Variants in OCA2 observed in about 807,000 individuals in gnomAD.
The protein encoded by OCA2 is P protein.
In OCA2, 77 loss-of-function variants were observed where a neutral mutation model predicts 100.2. That is an observed-to-expected ratio of 0.77 (90% CI 0.64 to 0.93). The LOEUF (loss-of-function observed/expected upper bound fraction) is 0.93. Ranked by LOEUF, OCA2 falls within the 40% of genes least tolerant of loss-of-function variation. The pLI is 0.00. For missense variants in OCA2, 1,062 were observed against 1,089.1 expected (o/e 0.98, Z 0.35); for synonymous variants, 432 against 439.2 (o/e 0.98, Z 0.21).
chr15:28,026,535 G>A (rs1374905878), intron 4 of OCA2, among the ~76,000 whole-genome samples: 2 of 152,230 alleles, frequency 1.3e-5, no homozygotes, highest in African/African-American at 4.8e-5. Context: ...AGGCCGTTGA[G>A]AGTCACAGTG....
chr15:28,051,417 C>T (rs767035515), intron 2 of OCA2, among the ~76,000 whole-genome samples: 2 of 151,976 alleles, frequency 1.3e-5, no homozygotes, highest in Non-Finnish European at 2.9e-5. Flanking sequence ...CTCAGCTTCC[C>T]GAGTAGCTAG....
intron 9 of OCA2, among the ~76,000 whole-genome samples, chr15:28,001,103 G>A (rs1439184142): frequency 6.6e-6 from 1 of 152,110 alleles, no homozygotes; most frequent in African/African-American, 2.4e-5. Flanking sequence ...TCCCACTTCT[G>A]GGTCTATATC....
chr15:28,003,401 C>T (rs1006702132), intron 9 of OCA2, among the ~76,000 whole-genome samples: 3 of 152,346 alleles, frequency 2.0e-5, no homozygotes, highest in Admixed American at 6.5e-5. Context: ...CTGGTTCAGA[C>T]GAAAGATGGC....
chr15:28,026,458 T>C (rs1481912297), intron 4 of OCA2, among the ~76,000 whole-genome samples: 2 of 152,202 alleles, frequency 1.3e-5, no homozygotes, highest in Non-Finnish European at 1.5e-5. Flanking sequence ...AGCGGATTCA[T>C]TGGCCAAATG....
At chr15:27,777,215 G>A (rs748564495) in intron 23 of OCA2, among the ~76,000 whole-genome samples, 10 of 152,110 alleles carry the variant, frequency 6.6e-5, no homozygotes, top group African/African-American at 1.2e-4. Context: ...GCTGGACTAC[G>A]CTCTGGGCTC....
At chr15:27,924,218 T>C (rs1198330436) in intron 19 of OCA2, among the ~76,000 whole-genome samples, 1 of 152,174 alleles carries the variant, frequency 6.6e-6, no homozygotes, top group Non-Finnish European at 1.5e-5. Flanking sequence ...TTGGTCTATG[T>C]GACATACCTA....
chr15:27,751,913 G>A (rs986234422), downstream of OCA2, among the ~76,000 whole-genome samples: 6 of 152,346 alleles, frequency 3.9e-5, no homozygotes, highest in South Asian at 2.1e-4. Flanking sequence ...TGGGCTGTGC[G>A]TCACAAGCCA....
chr15:28,066,620 A>C (rs1196223241), intron 2 of OCA2, among the ~76,000 whole-genome samples: 1 of 152,190 alleles, frequency 6.6e-6, no homozygotes, highest in Non-Finnish European at 1.5e-5. Context: ...TTGCCCCAAA[A>C]TATATTTCTT....
intron 19 of OCA2, among the ~76,000 whole-genome samples, chr15:27,920,068 A>G (rs1020909726): frequency 1.3e-5 from 2 of 152,166 alleles, no homozygotes; most frequent in African/African-American, 4.8e-5. Flanking sequence ...ATAAGGAAAA[A>G]AACAAATAGA....
intron 6 of OCA2, among the ~76,000 whole-genome samples, chr15:28,019,378 G>T (rs998572967): frequency 6.6e-6 from 1 of 152,048 alleles, no homozygotes; most frequent in Admixed American, 6.6e-5. Context: ...CCTGGTTGTA[G>T]AGGTTTGCTG....
chr15:27,990,476 T>C (rs1297404001), intron 10 of OCA2, 100 bp downstream of exon 10: 33 of 1,197,828 alleles, frequency 2.8e-5, no homozygotes, highest in Non-Finnish European at 1.9e-5. Flanking sequence ...ACGTGGCATA[T>C]AAAATAGTGA....
At chr15:27,857,480 C>T (rs891162947) in intron 21 of OCA2, among the ~76,000 whole-genome samples, 2 of 151,922 alleles carry the variant, frequency 1.3e-5, no homozygotes, top group African/African-American at 2.4e-5. Flanking sequence ...GGAAATGGAT[C>T]GTGGTGATAG....
intron 21 of OCA2, among the ~76,000 whole-genome samples, chr15:27,859,626 T>C (rs1445967543): frequency 6.6e-6 from 1 of 152,154 alleles, no homozygotes; most frequent in Non-Finnish European, 1.5e-5. Flanking sequence ...TTCCAAAAAC[T>C]GTTTCAAAAA....
the OCA2 span, among the ~76,000 whole-genome samples, chr15:27,733,064 C>T: frequency 1.3e-5 from 2 of 152,210 alleles, no homozygotes; most frequent in Non-Finnish European, 2.9e-5. Context: ...TCCATTAGCA[C>T]TCGTCTCTCA....
chr15:27,771,162 C>T (rs1461383853), intron 23 of OCA2, among the ~76,000 whole-genome samples: 2 of 150,900 alleles, frequency 1.3e-5, no homozygotes, highest in East Asian at 2.0e-4. Flanking sequence ...GCAGCGACAC[C>T]CCCTTGGCCT....
At position 27,755,474 on chromosome 15, in the gene OCA2, T is replaced by C; in HGVS notation, c.2433-2A>G. The C allele has an allele frequency of 6.2e-7, 1 of 1,611,520 alleles. No homozygotes were observed. The highest frequency in any genetic ancestry group is 8.5e-7 in the Non-Finnish European group (1 of 1,177,652). On this transcript the variant is annotated splice_acceptor_variant, in intron 23 of 23. Transcript: ENST00000354638. LOFTEE classifies it high-confidence loss of function. ...ACAACCATCATTGGGAAGCCCAGCC[T>C]GAAATACAAAGAGAAATGAGTTATG... is the stretch of plus-strand genomic sequence containing the variant.
At chr15:27,892,634 G>A (rs2037512414) in intron 19 of OCA2, among the ~76,000 whole-genome samples, 1 of 152,000 alleles carries the variant, frequency 6.6e-6, no homozygotes, top group Non-Finnish European at 1.5e-5. Context: ...AACAATCTAA[G>A]TTCCTACCTC....
intron 14 of OCA2, among the ~76,000 whole-genome samples, chr15:27,968,380 A>G (rs1304491427): frequency 6.6e-6 from 1 of 152,214 alleles, no homozygotes; most frequent in Non-Finnish European, 1.5e-5. Context: ...GACCACGGGC[A>G]GTCCAGCTCT....
chr15:27,894,345 G>A (rs575217671), intron 19 of OCA2, among the ~76,000 whole-genome samples: 10 of 152,290 alleles, frequency 6.6e-5, no homozygotes, highest in East Asian at 3.9e-4. Context: ...ACTGGGAGAC[G>A]CATAGCTAAG....
Sources: gnomAD v4.1 joint callset for allele counts (sites outside exome capture counted in the v4.1 genomes callset) on GRCh38, gnomAD v4.1.1 for gene constraint, MANE v1.5 for transcripts, NCBI Gene and HGNC (gene_info 2026-07-23, HGNC 2026-07-21) for gene names.